The following PHKA2 variants were observed in gnomAD, a reference collection of about 807,000 sequenced individuals.
The protein encoded by PHKA2 is phosphorylase b kinase regulatory subunit alpha, liver isoform.
In PHKA2, 31 loss-of-function variants were observed where a neutral mutation model predicts 102.0. The observed-to-expected ratio is 0.30, with a 90% CI of 0.23 to 0.41. PHKA2 has a LOEUF of 0.41. Among genes scored for constraint, PHKA2 ranks in the 10% least tolerant of loss-of-function variants. PHKA2 has a pLI of 1.00. For synonymous variants in PHKA2, 455 were observed against 416.2 expected (o/e 1.09, Z -1.13); for missense variants, 858 against 1,023.1 (o/e 0.84, Z 2.20).
chrX:18,959,404 G>A (rs1387924278), intron 1 of PHKA2, among the ~76,000 whole-genome samples: 1 of 111,784 alleles, frequency 8.9e-6, no homozygotes, highest in Admixed American at 9.5e-5. Context: ...ATCTGCAAGT[G>A]AGTTCGATGT....
intron 19 of PHKA2, among the ~76,000 whole-genome samples, chrX:18,914,714 C>T (rs917508652): frequency 1.8e-5 from 2 of 112,077 alleles, no homozygotes; most frequent in South Asian, 3.7e-4. Flanking sequence ...CATCTGAAGG[C>T]GTAGATACAT....
Position 18,931,759 on chromosome X carries a change from A to T in PHKA2, c.1138-11T>A, listed in dbSNP as rs756433646. On this transcript the variant is annotated splice_polypyrimidine_tract_variant and intron_variant, in intron 11 of 32. Coordinates refer to ENST00000379942, the MANE Select transcript of PHKA2 (RefSeq NM_000292.3). ...GTACTCTTCATCTACCTGGAAAGAGAGACAAATCCAAAGTCAGAAAGTCAG... is the reference window on the plus strand; with the variant it reads ...GTACTCTTCATCTACCTGGAAAGAGTGACAAATCCAAAGTCAGAAAGTCAG... The T allele has an allele frequency of 4.6e-6, 5 of 1,089,880 alleles. No homozygotes were observed. Among genetic ancestry groups the T allele is most frequent in the Non-Finnish European group, 6.4e-6 (5 of 785,460 alleles). The allele number at this position is 1,089,880 out of a possible 1,213,427, so 89.8% of individuals were successfully genotyped here.
chrX:18,894,682 C>A, intron 31 of PHKA2: 1 of 422,189 alleles, frequency 2.4e-6, no homozygotes, highest in East Asian at 4.0e-5. Flanking sequence ...TCTGGTTTCT[C>A]TTTCCTCTTC....
At chrX:18,969,729 G>A (rs561323697) in intron 1 of PHKA2, among the ~76,000 whole-genome samples, 4 of 111,216 alleles carry the variant, frequency 3.6e-5, no homozygotes, top group Admixed American at 9.6e-5. Context: ...AGGGACCTTC[G>A]GGGATCTGGG....
At chrX:18,969,859 G>A (rs758156403) in intron 1 of PHKA2, among the ~76,000 whole-genome samples, 2 of 111,955 alleles carry the variant, frequency 1.8e-5, no homozygotes, top group Admixed American at 9.5e-5. Context: ...CATATTTCAG[G>A]TGTTTTAAAA....
chrX:18,899,719 C>T (rs1278911215), intron 28 of PHKA2, among the ~76,000 whole-genome samples: 5 of 105,255 alleles, frequency 4.8e-5, no homozygotes, highest in Non-Finnish European at 9.4e-5. Context: ...AGTATTTCCT[C>T]GTCTAAAATC....
intron 6 of PHKA2, 25 bp from the exon 7 acceptor site, chrX:18,943,833 TTTTC>T (rs763158199): frequency 4.6e-5 from 49 of 1,058,756 alleles, no homozygotes; most frequent in Middle Eastern, 2.5e-4. Context: ...ATGAGTTACT[TTTTC>T]TTTCTAATAA....
chrX:18,961,920 C>T (rs961602225), intron 1 of PHKA2, among the ~76,000 whole-genome samples: 2 of 109,557 alleles, frequency 1.8e-5, no homozygotes, highest in Admixed American at 9.9e-5. Flanking sequence ...TGTCACAGGA[C>T]GGAGGTGAAG....
chrX:18,922,181 G>A (rs2048134034), intron 17 of PHKA2, among the ~76,000 whole-genome samples: 1 of 111,528 alleles, frequency 9.0e-6, no homozygotes, highest in African/African-American at 3.3e-5. Flanking sequence ...GGGGGGTGGA[G>A]GTTGCAGTGA....
At chrX:18,929,481 A>G (rs1023398221) in intron 12 of PHKA2, among the ~76,000 whole-genome samples, 175 bp from the exon 13 acceptor site, 2 of 112,595 alleles carry the variant, frequency 1.8e-5, no homozygotes, top group African/African-American at 6.5e-5. Flanking sequence ...TCAAACTGCC[A>G]CTGATAAACG....
chrX:18,924,567 T>G (rs745720250), intron 15 of PHKA2, 42 bp from the exon 16 acceptor site: 18 of 1,181,585 alleles, frequency 1.5e-5, no homozygotes, highest in Non-Finnish European at 2.1e-5. Flanking sequence ...ACCCTTTCTT[T>G]ACCTGGAAAC....
intron 27 of PHKA2, 90 bp from the exon 28 acceptor site, chrX:18,900,789 G>T: frequency 1.2e-6 from 1 of 838,609 alleles, no homozygotes. Flanking sequence ...ATCCAGGGCC[G>T]TGTTGGTCAA....
chrX:18,975,282 C>T (rs1224511040), intron 1 of PHKA2, among the ~76,000 whole-genome samples: 3 of 111,474 alleles, frequency 2.7e-5, no homozygotes, highest in African/African-American at 9.8e-5. Flanking sequence ...CTCGTGATAG[C>T]GAGTAAGTCT....
chrX:18,927,866 TC>T (rs894531173), intron 13 of PHKA2, among the ~76,000 whole-genome samples: 5 of 111,388 alleles, frequency 4.5e-5, no homozygotes, highest in Non-Finnish European at 7.5e-5. Flanking sequence ...CAGCAGCCAC[TC>T]TCTGTAGGAG....
intron 5 of PHKA2, among the ~76,000 whole-genome samples, chrX:18,947,396 C>G (rs1318175320): frequency 8.9e-6 from 1 of 111,811 alleles, no homozygotes; most frequent in Admixed American, 9.5e-5. Flanking sequence ...GACAGAAGCT[C>G]GGAGGAAAGG....
At chrX:18,900,536 G>T in intron 28 of PHKA2, 134 bp downstream of exon 28, 1 of 582,701 alleles carries the variant, frequency 1.7e-6, no homozygotes, top group South Asian at 2.3e-5. Flanking sequence ...CCTGCTCTCT[G>T]CCTGTGCCCC....
In PHKA2 at chrX:18,907,770, C is replaced by T. The variant is rs548847925; in HGVS notation, c.2517+130G>A. 491 of 702,904 alleles carry T rather than the reference C, an allele frequency of 7.0e-4. 3 individuals are homozygous for T. The Admixed American group carries it at 0.01, about 14-fold the overall frequency. The allele number at this position is 702,904 out of a possible 1,213,427, so 57.9% of individuals were successfully genotyped here. A position where few individuals can be genotyped will look rare whatever the true frequency, so the allele number is the denominator to read the frequency against. ...CAGCAGGCAGGCAGGAGAGAAGGGC[C>T]CGCTCCACCTGTGGGTTAAAGAATG... On this transcript the variant is annotated intron_variant, in intron 22 of 32. Coordinates refer to ENST00000379942, the MANE Select transcript of PHKA2 (RefSeq NM_000292.3).
chrX:18,937,044 G>T (rs1020505579), intron 10 of PHKA2, among the ~76,000 whole-genome samples: 7 of 111,511 alleles, frequency 6.3e-5, no homozygotes, highest in African/African-American at 2.3e-4. Flanking sequence ...CTAAGAGAAA[G>T]CATCAACAGT....
chrX:18,951,292 C>T lies in PHKA2; in HGVS notation c.286-20G>A, dbSNP rs989185869. On this transcript the variant is annotated intron_variant, in intron 3 of 32. Transcript: ENST00000379942. ...GGCCACCTGAGGGAGAAGGCAAGCC[C>T]GCTCTGCATAGTTATGGGGGTTCAT... The T allele has an allele frequency of 7.5e-6, 9 of 1,202,910 alleles. No homozygotes were observed. Among genetic ancestry groups the T allele is most frequent in the Middle Eastern group, 2.4e-4 (1 of 4,191 alleles).
Sources: allele counts gnomAD v4.1 joint callset (sites outside exome capture counted in the v4.1 genomes callset), GRCh38; gene constraint gnomAD v4.1.1; transcripts MANE v1.5; gene names NCBI Gene and HGNC (gene_info 2026-07-23, HGNC 2026-07-21).